The following NBAS variants were observed in gnomAD, a reference collection of about 807,000 sequenced individuals.
The protein encoded by NBAS is NBAS subunit of NRZ tethering complex.
Under a neutral mutation model 302.5 loss-of-function variants are expected in NBAS, and 219 were observed. The ratio of observed to expected loss-of-function variants is 0.72; its 90% CI spans 0.65 to 0.81. The LOEUF is 0.81. NBAS is among the 30% of genes least tolerant of loss of function. The probability of loss-of-function intolerance (pLI) is 0.00; values close to 1 mark genes in which losing one functional copy is unlikely to be tolerated. For synonymous variants in NBAS, 1,118 were observed against 1,021.6 expected, an observed-to-expected ratio of 1.09 and a Z score of -1.80; for missense variants, 2,932 against 2,841.6, an observed-to-expected ratio of 1.03 and a Z score of -0.72.
At chr2:15,325,748 T>C (rs1052777211) in intron 38 of NBAS, among the ~76,000 whole-genome samples, 11 of 152,218 alleles carry the variant, frequency 7.2e-5, no homozygotes, top group Non-Finnish European at 1.0e-4. Flanking sequence ...GTGGCACTTT[T>C]AATTTCCTTC....
the NBAS span, among the ~76,000 whole-genome samples, chr2:15,092,743 A>G: frequency 6.6e-6 from 1 of 152,218 alleles, no homozygotes; most frequent in Non-Finnish European, 1.5e-5. Flanking sequence ...GCTCAGGATA[A>G]TTGACTCTAT....
intron 21 of NBAS, among the ~76,000 whole-genome samples, chr2:15,455,641 A>T (rs886526488): frequency 5.3e-5 from 8 of 151,940 alleles, no homozygotes; most frequent in African/African-American, 1.9e-4. Context: ...CGGTTGATAT[A>T]CCTTAACTCA....
chr2:15,465,712 C>T (rs532501559), intron 19 of NBAS, among the ~76,000 whole-genome samples: 2 of 151,464 alleles, frequency 1.3e-5, no homozygotes, highest in Non-Finnish European at 2.9e-5. Context: ...GCTGAATTCT[C>T]TAAAAAAAAG....
At chr2:15,044,902 T>C in the NBAS span, among the ~76,000 whole-genome samples, 1 of 152,184 alleles carries the variant, frequency 6.6e-6, no homozygotes, top group Non-Finnish European at 1.5e-5. Context: ...AAATAAAACA[T>C]AAATACATTT....
Position 15,292,815 on chromosome 2 carries a change from C to T in NBAS, c.4798-49G>A, listed in dbSNP as rs759424629. The T allele has an allele frequency of 7.8e-6, 12 of 1,545,006 alleles. No homozygotes were observed. In the Admixed American group the frequency reaches 8.4e-5, roughly 11 times the overall value. ...ACATTTTACCAACATCATACAAACA[C>T]GAGCAAGTGAGTAACAAATGGAAGA... On this transcript the variant is annotated intron_variant, in intron 40 of 51. Transcript: ENST00000281513.
chr2:15,517,522 T>C (rs990049889), intron 9 of NBAS, among the ~76,000 whole-genome samples: 2 of 152,204 alleles, frequency 1.3e-5, no homozygotes, highest in African/African-American at 4.8e-5. Flanking sequence ...TATTTATATA[T>C]GTCTGTGAAT....
At chr2:14,923,909 G>T in the NBAS span, among the ~76,000 whole-genome samples, 1 of 152,192 alleles carries the variant, frequency 6.6e-6, no homozygotes, top group Admixed American at 6.5e-5. Flanking sequence ...GGAAAAGGAC[G>T]CTGGAAGCAG....
chr2:14,863,626 T>C, the NBAS span, among the ~76,000 whole-genome samples: 1 of 152,232 alleles, frequency 6.6e-6, no homozygotes, highest in Non-Finnish European at 1.5e-5. Flanking sequence ...CTGCAGGCCA[T>C]CTGGATGTAT....
chr2:15,458,764 T>C (rs760774494), intron 21 of NBAS, among the ~76,000 whole-genome samples: 6 of 152,220 alleles, frequency 3.9e-5, no homozygotes, highest in Admixed American at 6.5e-5. Flanking sequence ...TATTGTAACC[T>C]ATTGTTCATT....
the NBAS span, among the ~76,000 whole-genome samples, chr2:14,814,514 T>A: frequency 6.8e-4 from 104 of 152,384 alleles, no homozygotes; most frequent in African/African-American, 2.4e-3. Context: ...GCTCTGGACT[T>A]GCATGAGGTC....
chr2:15,122,287 G>T, the NBAS span, among the ~76,000 whole-genome samples: 1 of 152,170 alleles, frequency 6.6e-6, no homozygotes, highest in Non-Finnish European at 1.5e-5. Flanking sequence ...AGGCTTTACA[G>T]AAAGCATAGT....
chr2:15,336,717 A>G (rs1672602422), intron 35 of NBAS, among the ~76,000 whole-genome samples: 3 of 152,084 alleles, frequency 2.0e-5, no homozygotes, highest in South Asian at 4.1e-4. Flanking sequence ...GCGACAGAAC[A>G]AGACTCCATA....
At chr2:15,448,286 A>G (rs1678846596) in intron 21 of NBAS, among the ~76,000 whole-genome samples, 1 of 152,208 alleles carries the variant, frequency 6.6e-6, no homozygotes, top group Admixed American at 6.5e-5. Context: ...TCTACAGAAA[A>G]AAATTGCTGC....
chr2:15,250,539 G>C (rs1668315990), intron 44 of NBAS, among the ~76,000 whole-genome samples: 1 of 152,108 alleles, frequency 6.6e-6, no homozygotes, highest in Non-Finnish European at 1.5e-5. Flanking sequence ...CTACAGAATG[G>C]GAGAAAATTT....
At chr2:14,955,668 G>T in the NBAS span, among the ~76,000 whole-genome samples, 148 of 152,346 alleles carry the variant, frequency 9.7e-4, no homozygotes, top group Non-Finnish European at 1.7e-3. Flanking sequence ...AGCTGCCCAG[G>T]CTTGGGGCTT....
chr2:14,811,526 T>C, the NBAS span, among the ~76,000 whole-genome samples: 1 of 152,198 alleles, frequency 6.6e-6, no homozygotes, highest in Non-Finnish European at 1.5e-5. Context: ...ACAGCCTTCA[T>C]TATCATGACC....
At chr2:14,791,785 T>C in the NBAS span, among the ~76,000 whole-genome samples, 8 of 149,622 alleles carry the variant, frequency 5.3e-5, no homozygotes, top group South Asian at 8.5e-4. Context: ...TCCCAGGCAA[T>C]AGAGGGAGAC....
chr2:15,044,782 G>A, the NBAS span, among the ~76,000 whole-genome samples: 5 of 152,210 alleles, frequency 3.3e-5, no homozygotes, highest in African/African-American at 1.2e-4. Context: ...GAGGTGAGGA[G>A]TTACCCTAGC....
At chr2:15,067,961 A>G in the NBAS span, among the ~76,000 whole-genome samples, 24 of 152,234 alleles carry the variant, frequency 1.6e-4, no homozygotes, top group Admixed American at 1.4e-3. Context: ...AGGTCAAAGG[A>G]AAAAGAAAAA....
Sources: gnomAD v4.1 joint callset for allele counts (sites outside exome capture counted in the v4.1 genomes callset) on GRCh38, gnomAD v4.1.1 for gene constraint, MANE v1.5 for transcripts, NCBI Gene and HGNC (gene_info 2026-07-23, HGNC 2026-07-21) for gene names.